Variants in SEMA3D observed in about 807,000 individuals in gnomAD.
The protein encoded by SEMA3D is semaphorin-3D.
Under a neutral mutation model 100.1 loss-of-function variants are expected in SEMA3D, and 84 were observed. That is an observed-to-expected ratio of 0.84 (90% CI 0.70 to 1.01). The LOEUF (loss-of-function observed/expected upper bound fraction) is 1.01. Ranked by LOEUF, SEMA3D falls within the 50% of genes least tolerant of loss-of-function variation. The probability of loss-of-function intolerance (pLI) is 0.00; values close to 1 mark genes in which losing one functional copy is unlikely to be tolerated. For missense variants in SEMA3D, 875 were observed against 934.1 expected (o/e 0.94, Z 0.82); for synonymous variants, 312 against 320.7 (o/e 0.97, Z 0.29).
intron 2 of SEMA3D, chr7:85,141,214 C>A: frequency 1.0e-6 from 1 of 983,516 alleles, no homozygotes; most frequent in Non-Finnish European, 1.2e-6. Flanking sequence ...TATTAACCCC[C>A]TCTCTTATTT....
At chr7:85,002,463 G>T (rs1789680206) in intron 18 of SEMA3D, among the ~76,000 whole-genome samples, 1 of 152,126 alleles carries the variant, frequency 6.6e-6, no homozygotes, top group Admixed American at 6.6e-5. Context: ...CTGTGACCCA[G>T]AAACTAAGTA....
chr7:85,098,021 G>T, intron 3 of SEMA3D, 56 bp from the exon 4 acceptor site: 1 of 921,922 alleles, frequency 1.1e-6, no homozygotes, highest in Non-Finnish European at 1.5e-6. Flanking sequence ...GAAAGAAAGA[G>T]AAAGAAAGGA....
chr7:85,169,608 TTTGA>T (rs1258230242), intron 1 of SEMA3D, among the ~76,000 whole-genome samples: 4 of 151,876 alleles, frequency 2.6e-5, no homozygotes, highest in Non-Finnish European at 4.4e-5. Context: ...TTTGGATATC[TTTGA>T]TTGAGAAAAG....
intron 1 of SEMA3D, among the ~76,000 whole-genome samples, chr7:85,170,679 A>C (rs530844974): frequency 1.3e-5 from 2 of 151,970 alleles, no homozygotes; most frequent in Non-Finnish European, 2.9e-5. Context: ...CCCATATCAC[A>C]TATGTGAAAG....
rs1789509445 is a variant in SEMA3D at position 84,996,657 on chromosome 7, T to C, written c.*2783A>G. 1 of 152,372 alleles carries C rather than the reference T, an allele frequency of 6.6e-6. No individual in the cohort carries two copies. Among genetic ancestry groups the C allele is most frequent in the African/African-American group, 2.4e-5 (1 of 41,456 alleles). The allele number at this position is 152,372 out of a possible 1,614,324, so 9.4% of individuals were successfully genotyped here. A position where few individuals can be genotyped will look rare whatever the true frequency, so the allele number is the denominator to read the frequency against. ...ACATGCGGGATTCTATTTAGCAGCATAAATTGCTGAAATGAAATTCAGAAA... is the reference window on the plus strand; with the variant it reads ...ACATGCGGGATTCTATTTAGCAGCACAAATTGCTGAAATGAAATTCAGAAA... On this transcript the variant is annotated 3_prime_UTR_variant, in exon 19 of 19. Transcript: ENST00000284136.
chr7:85,208,812 T>C, the SEMA3D span, among the ~76,000 whole-genome samples: 1 of 147,752 alleles, frequency 6.8e-6, no homozygotes, highest in Non-Finnish European at 1.5e-5. Flanking sequence ...TTTATGTTTG[T>C]TTATTTATAT....
intron 1 of SEMA3D, among the ~76,000 whole-genome samples, chr7:85,156,921 T>A (rs1276025278): frequency 6.6e-6 from 1 of 152,208 alleles, no homozygotes; most frequent in East Asian, 1.9e-4. Context: ...GTTCTAAACA[T>A]GCTTTGTTTG....
intron 4 of SEMA3D, among the ~76,000 whole-genome samples, chr7:85,082,092 T>C (rs1174459687): frequency 6.6e-6 from 1 of 152,238 alleles, no homozygotes; most frequent in Admixed American, 6.5e-5. Flanking sequence ...CTAAATGTTT[T>C]ATAAGCATTC....
At chr7:85,246,757 T>G in the SEMA3D span, among the ~76,000 whole-genome samples, 1 of 151,908 alleles carries the variant, frequency 6.6e-6, no homozygotes, top group Admixed American at 6.6e-5. Flanking sequence ...ATTCCACTCT[T>G]TGGTAGGTAA....
intron 14 of SEMA3D, 104 bp downstream of exon 14, chr7:85,020,129 G>C: frequency 2.8e-6 from 2 of 715,466 alleles, no homozygotes; most frequent in Non-Finnish European, 4.8e-6. Flanking sequence ...TAATTTCAAA[G>C]GCTTCTTCAG....
the SEMA3D span, among the ~76,000 whole-genome samples, chr7:85,223,549 T>C: frequency 2.0e-5 from 3 of 152,042 alleles, no homozygotes; most frequent in South Asian, 6.2e-4. Flanking sequence ...TGTGTGTGTG[T>C]GTGTGTGTGT....
At chr7:85,070,047 T>C (rs372201620) in intron 6 of SEMA3D, among the ~76,000 whole-genome samples, 58 of 152,182 alleles carry the variant, frequency 3.8e-4, no homozygotes, top group African/African-American at 1.3e-3. Context: ...CTCTGTGAAA[T>C]AGTTACTATT....
At chr7:85,249,935 T>C in the SEMA3D span, among the ~76,000 whole-genome samples, 1 of 152,136 alleles carries the variant, frequency 6.6e-6, no homozygotes, top group Non-Finnish European at 1.5e-5. Flanking sequence ...ACGGGTGATT[T>C]CTGCATTTCC....
chr7:85,231,457 T>C, the SEMA3D span, among the ~76,000 whole-genome samples: 1 of 74,448 alleles, frequency 1.3e-5, no homozygotes, highest in East Asian at 8.5e-4. Flanking sequence ...TTTTTTTTTT[T>C]TTTTTTTTGA....
intron 18 of SEMA3D, among the ~76,000 whole-genome samples, chr7:85,005,371 T>C (rs1033806486): frequency 1.3e-5 from 2 of 152,014 alleles, no homozygotes; most frequent in South Asian, 2.1e-4. Context: ...TTAAAATAAA[T>C]ATTCAGTGTA....
intron 4 of SEMA3D, among the ~76,000 whole-genome samples, chr7:85,085,042 A>T (rs1788178033): frequency 6.6e-6 from 1 of 152,092 alleles, no homozygotes; most frequent in African/African-American, 2.4e-5. Flanking sequence ...CCAGTCTACC[A>T]CTGATGGGCG....
At chr7:85,070,337 C>T (rs1791736373) in intron 6 of SEMA3D, among the ~76,000 whole-genome samples, 1 of 152,164 alleles carries the variant, frequency 6.6e-6, no homozygotes, top group Non-Finnish European at 1.5e-5. Context: ...ATAAATAACA[C>T]CACTCTTCAA....
intron 1 of SEMA3D, among the ~76,000 whole-genome samples, chr7:85,185,499 CG>C (rs1791514072): frequency 6.6e-6 from 1 of 152,164 alleles, no homozygotes; most frequent in South Asian, 2.1e-4. Flanking sequence ...TAAGAGTCCA[CG>C]CACAGAAGCT....
the SEMA3D span, among the ~76,000 whole-genome samples, chr7:85,196,685 T>C: frequency 6.6e-6 from 1 of 152,176 alleles, no homozygotes; most frequent in East Asian, 1.9e-4. Context: ...ATTCAACAGC[T>C]ATTAGAGATC....
Sources: gnomAD v4.1 joint callset for allele counts (sites outside exome capture counted in the v4.1 genomes callset) on GRCh38, gnomAD v4.1.1 for gene constraint, MANE v1.5 for transcripts, NCBI Gene and HGNC (gene_info 2026-07-23, HGNC 2026-07-21) for gene names.